ASIC2: variants seen among roughly 807,000 people sequenced by gnomAD.
ASIC2 encodes the protein acid sensing ion channel subunit 2.
In ASIC2, 25 loss-of-function variants were observed where a neutral mutation model predicts 57.3. The observed-to-expected ratio is 0.44, with a 90% confidence interval of 0.32 to 0.61. The LOEUF (loss-of-function observed/expected upper bound fraction) is 0.61, where lower values mean the gene tolerates loss of function less well. ASIC2 is among the 20% of genes least tolerant of loss of function. ASIC2 has a pLI of 0.06. For missense variants in ASIC2, 641 were observed against 738.1 expected, an observed-to-expected ratio of 0.87 and a Z score of 1.52; for synonymous variants, 319 against 307.5, an observed-to-expected ratio of 1.04 and a Z score of -0.39.
At chr17:34,131,879 C>T (rs903890144) in intron 1 of ASIC2, among the ~76,000 whole-genome samples, 7 of 152,128 alleles carry the variant, frequency 4.6e-5, no homozygotes, top group African/African-American at 7.2e-5. Context: ...GGCCCACTGA[C>T]GAATTACCTT....
intron 1 of ASIC2, among the ~76,000 whole-genome samples, chr17:33,327,389 G>A (rs193065839): frequency 6.6e-6 from 1 of 152,218 alleles, no homozygotes; most frequent in East Asian, 1.9e-4. Flanking sequence ...GCCCAGCACA[G>A]CATCCTATAC....
In ASIC2 at chr17:33,064,681, C is replaced by A. The variant is rs189506542; in HGVS notation, c.987+24182G>T. Among the ~76,000 whole-genome samples the A allele has an allele frequency of 2.0e-5, 3 of 152,286 alleles. No individual in the cohort carries two copies. The East Asian group carries it at 5.8e-4, about 29-fold the overall frequency. On this transcript the variant is annotated intron_variant, in intron 3 of 9. Coordinates refer to ENST00000225823, the MANE Select transcript of ASIC2 (RefSeq NM_183377.2). ...AGGCAGTCTGTCTGTTCTCAGATCT[C>A]AAACTCCGTGCTGGGAGAACCACTA...
intron 1 of ASIC2, among the ~76,000 whole-genome samples, chr17:34,114,474 G>C (rs1911369603): frequency 6.6e-6 from 1 of 152,076 alleles, no homozygotes; most frequent in South Asian, 2.1e-4. Flanking sequence ...TTGGAGCAAG[G>C]ACAAGGAAAA....
intron 3 of ASIC2, among the ~76,000 whole-genome samples, chr17:33,038,714 G>C (rs2091919013): frequency 6.6e-6 from 1 of 152,188 alleles, no homozygotes; most frequent in South Asian, 2.1e-4. Context: ...CCACTGTCTG[G>C]AGCTTCTCTC....
intron 1 of ASIC2, among the ~76,000 whole-genome samples, chr17:33,418,543 G>C (rs1389921455): frequency 6.6e-6 from 1 of 152,128 alleles, no homozygotes; most frequent in African/African-American, 2.4e-5. Flanking sequence ...GTTAATTTTT[G>C]TATAAGGTGT....
intron 1 of ASIC2, among the ~76,000 whole-genome samples, chr17:33,958,074 C>T (rs1904796013): frequency 6.6e-6 from 1 of 152,256 alleles, no homozygotes; most frequent in South Asian, 2.1e-4. Flanking sequence ...TCTACTTTGA[C>T]TCCATGTCTC....
intron 1 of ASIC2, chr17:34,037,703 T>C (rs4795846): frequency 0.41 from 656,008 of 1,603,926 alleles, 145,319 homozygotes; most frequent in African/African-American, 0.85. Context: ...GACTGACTTT[T>C]GGATGTGAGG....
chr17:33,537,933 A>G (rs1915286825), intron 1 of ASIC2, among the ~76,000 whole-genome samples: 1 of 152,210 alleles, frequency 6.6e-6, no homozygotes, highest in South Asian at 2.1e-4. Flanking sequence ...AGAGAAAGCT[A>G]ATCCCTATCT....
chr17:33,649,146 C>G (rs1268000297), intron 1 of ASIC2, among the ~76,000 whole-genome samples: 1 of 152,144 alleles, frequency 6.6e-6, no homozygotes, highest in African/African-American at 2.4e-5. Context: ...ACGTGATTGT[C>G]TACATATAAA....
At chr17:33,219,866 C>A (rs968950199) in intron 1 of ASIC2, among the ~76,000 whole-genome samples, 1 of 152,172 alleles carries the variant, frequency 6.6e-6, no homozygotes, top group Non-Finnish European at 1.5e-5. Flanking sequence ...TTTGTTCATT[C>A]CCAGGATGTT....
intron 1 of ASIC2, among the ~76,000 whole-genome samples, chr17:33,329,595 A>C (rs969046291): frequency 1.3e-5 from 2 of 152,224 alleles, no homozygotes; most frequent in African/African-American, 4.8e-5. Context: ...CCATAGGGTC[A>C]CCAGTTATAT....
chr17:33,195,874 G>A (rs908123035), intron 1 of ASIC2, among the ~76,000 whole-genome samples: 1 of 152,186 alleles, frequency 6.6e-6, no homozygotes, highest in Admixed American at 6.5e-5. Flanking sequence ...CTGCTTACCT[G>A]TTGGGTGAGT....
At chr17:33,352,361 G>A (rs978792772) in intron 1 of ASIC2, among the ~76,000 whole-genome samples, 2 of 152,036 alleles carry the variant, frequency 1.3e-5, no homozygotes, top group African/African-American at 2.4e-5. Context: ...TCCATGAGAT[G>A]CACTTGAAGC....
chr17:33,301,196 A>ATTT (rs779633855), intron 1 of ASIC2, among the ~76,000 whole-genome samples: 23 of 141,116 alleles, frequency 1.6e-4, no homozygotes, highest in African/African-American at 5.5e-4. Flanking sequence ...TGCCTGGCTA[A>ATTT]TTTTTTTTTT....
At position 33,457,770 on chromosome 17, in the gene ASIC2, A is replaced by T. The variant is rs1442060449; in HGVS notation, c.556-345703T>A. 2.0e-5 allele frequency among the ~76,000 whole-genome samples: 3 copies of T among 152,290 alleles called. No individual in the cohort carries two copies. In the East Asian group the frequency reaches 5.8e-4, roughly 29 times the overall value. ...GGCTTTGCATGCATTGTCTTATTTAATTCTTACTGGAGCCTTTTGAGATCA... is the reference window on the plus strand; with the variant it reads ...GGCTTTGCATGCATTGTCTTATTTATTTCTTACTGGAGCCTTTTGAGATCA... On this transcript the variant is annotated intron_variant, in intron 1 of 9. Transcript: ENST00000359872.
intron 3 of ASIC2, among the ~76,000 whole-genome samples, chr17:33,057,098 A>C (rs1486930718): frequency 6.6e-6 from 1 of 151,748 alleles, no homozygotes; most frequent in Admixed American, 6.6e-5. Flanking sequence ...CTGCTGTAAT[A>C]TTAGGGCCCT....
intron 1 of ASIC2, among the ~76,000 whole-genome samples, chr17:33,181,226 C>T (rs1905971515): frequency 1.3e-5 from 2 of 152,144 alleles, no homozygotes; most frequent in African/African-American, 2.4e-5. Flanking sequence ...CCTTTACCCT[C>T]TCAGCACTTT....
intron 1 of ASIC2, among the ~76,000 whole-genome samples, chr17:33,277,353 G>A (rs193233983): frequency 1.3e-3 from 197 of 152,276 alleles, no homozygotes; most frequent in Non-Finnish European, 1.9e-3. Context: ...AGTCAGAACC[G>A]ACCTGGCTTT....
At chr17:33,460,462 G>C (rs1197713241) in intron 1 of ASIC2, among the ~76,000 whole-genome samples, 1 of 152,166 alleles carries the variant, frequency 6.6e-6, no homozygotes, top group African/African-American at 2.4e-5. Flanking sequence ...AGAATAGAGA[G>C]AACAAGGGCT....
Sources: allele counts gnomAD v4.1 joint callset (sites outside exome capture counted in the v4.1 genomes callset), GRCh38; gene constraint gnomAD v4.1.1; transcripts MANE v1.5; gene names NCBI Gene and HGNC (gene_info 2026-07-23, HGNC 2026-07-21).